PBX1: variants seen among roughly 807,000 people sequenced by gnomAD.
PBX1 encodes PBX homeobox 1.
Under a neutral mutation model 53.4 loss-of-function variants are expected in PBX1, and 6 were observed. That is an observed-to-expected ratio of 0.11 (90% CI 0.06 to 0.22). The LOEUF (loss-of-function observed/expected upper bound fraction) is 0.22. PBX1 is among the 10% of genes least tolerant of loss of function. The pLI is 1.00. For missense variants in PBX1, 251 were observed against 551.4 expected, an observed-to-expected ratio of 0.46 and a Z score of 5.46; for synonymous variants, 204 against 212.3, an observed-to-expected ratio of 0.96 and a Z score of 0.34.
intron 2 of PBX1, among the ~76,000 whole-genome samples, chr1:164,713,185 T>C (rs1663899337): frequency 6.6e-6 from 1 of 152,184 alleles, no homozygotes; most frequent in African/African-American, 2.4e-5. Flanking sequence ...TTCTGCCTCT[T>C]GGTAAAACCT....
chr1:164,847,992 C>G lies in PBX1; in HGVS notation c.*1316C>G, dbSNP rs6683162. The G allele has an allele frequency of 2.0e-3, 2,087 of 1,050,236 alleles. 2 individuals are homozygous for G. Among genetic ancestry groups the G allele is most frequent in the Non-Finnish European group, 2.3e-3 (1,986 of 869,906 alleles). 65.1% of individuals were successfully genotyped at this position (1,050,236 alleles called of 1,614,324 possible). On this transcript the variant is annotated 3_prime_UTR_variant, in exon 9 of 9. Coordinates refer to ENST00000420696, the MANE Select transcript of PBX1 (RefSeq NM_002585.4). ...TTAATTTTTTGTTTTATATTAGGCA[C>G]ACTGTATTAATTTTCCAAAATGTTA...
chr1:164,655,145 CT>C (rs1445328391), intron 2 of PBX1, among the ~76,000 whole-genome samples: 97 of 142,360 alleles, frequency 6.8e-4, no homozygotes, highest in African/African-American at 2.5e-3. Context: ...CGGAATTTCA[CT>C]TTTGTTGCCC....
At chr1:164,567,513 G>A (rs1234687380) in intron 2 of PBX1, among the ~76,000 whole-genome samples, 1 of 151,864 alleles carries the variant, frequency 6.6e-6, no homozygotes, top group African/African-American at 2.4e-5. Flanking sequence ...TTACAAATCA[G>A]TTTTACCTGA....
rs1467119097 is a variant in PBX1, at chr1:164,563,429, G to C, written c.265+118G>C. 3 of 558,634 alleles carry C rather than the reference G, an allele frequency of 5.4e-6. No homozygotes were observed. The Admixed American group carries it at 9.9e-5, about 18-fold the overall frequency. 34.6% of individuals were successfully genotyped at this position (558,634 alleles called of 1,614,324 possible). A position where few individuals can be genotyped will look rare whatever the true frequency, so the allele number is the denominator to read the frequency against. ...TCAGAATACAAGTACTATGAAGGTT[G>C]ACCTCATATTCGAATAGGAAGTCCT... On this transcript the variant is annotated intron_variant, in intron 2 of 8. Coordinates refer to ENST00000420696, the MANE Select transcript of PBX1 (RefSeq NM_002585.4).
intron 2 of PBX1, among the ~76,000 whole-genome samples, chr1:164,733,781 TTA>T (rs1312843717): frequency 6.6e-6 from 1 of 152,234 alleles, no homozygotes; most frequent in Non-Finnish European, 1.5e-5. Context: ...TTTAACAGTC[TTA>T]TATTTGAATT....
chr1:164,851,936 A>G (rs1349830530), downstream of PBX1: 1 of 154,984 alleles, frequency 6.5e-6, no homozygotes, highest in Admixed American at 6.5e-5. Context: ...TGCCCTAATC[A>G]CTGAAAAGTC....
At chr1:164,634,731 C>G (rs775671054) in intron 2 of PBX1, among the ~76,000 whole-genome samples, 1 of 152,140 alleles carries the variant, frequency 6.6e-6, no homozygotes, top group Non-Finnish European at 1.5e-5. Flanking sequence ...AGGACTCCCT[C>G]GGACATGGTT....
chr1:164,731,293 ATCT>A (rs1664966718), intron 2 of PBX1, among the ~76,000 whole-genome samples: 1 of 145,054 alleles, frequency 6.9e-6, no homozygotes, highest in Non-Finnish European at 1.5e-5. Context: ...GGCTCATATC[ATCT>A]TCTCCTTTCA....
At chr1:164,698,982 C>G (rs1304590222) in intron 2 of PBX1, among the ~76,000 whole-genome samples, 1 of 152,178 alleles carries the variant, frequency 6.6e-6, no homozygotes, top group Non-Finnish European at 1.5e-5. Context: ...ATGCTATCAG[C>G]TATAGCACTA....
intron 2 of PBX1, among the ~76,000 whole-genome samples, chr1:164,869,265 GACC>G (rs1456224743): frequency 6.6e-6 from 1 of 152,128 alleles, no homozygotes; most frequent in Non-Finnish European, 1.5e-5. Flanking sequence ...AAAACCTGAA[GACC>G]ACAATTCTAA....
At chr1:164,574,065 C>A (rs980613044) in intron 2 of PBX1, among the ~76,000 whole-genome samples, 1 of 152,208 alleles carries the variant, frequency 6.6e-6, no homozygotes, top group Non-Finnish European at 1.5e-5. Flanking sequence ...TGGAAGAGAA[C>A]GTCCACCTTA....
chr1:164,744,833 C>G (rs1019870455), intron 2 of PBX1, among the ~76,000 whole-genome samples: 4 of 152,018 alleles, frequency 2.6e-5, no homozygotes, highest in African/African-American at 7.3e-5. Context: ...ATGTCCCAAA[C>G]CTTAGTTGAG....
chr1:164,846,520 A>G, intron 8 of PBX1, 64 bp from the exon 9 acceptor site: 2 of 1,398,246 alleles, frequency 1.4e-6, no homozygotes, highest in East Asian at 2.3e-5. Context: ...CCTCATTGTC[A>G]TTGTCTGCTG....
intron 2 of PBX1, chr1:164,774,540 C>T (rs888964027): frequency 7.9e-5 from 12 of 152,172 alleles, no homozygotes; most frequent in African/African-American, 1.2e-4. Flanking sequence ...GGTTAGAGGC[C>T]GTGGGCTGTG....
intron 2 of PBX1, among the ~76,000 whole-genome samples, chr1:164,758,469 G>A (rs1666639516): frequency 6.6e-6 from 1 of 152,124 alleles, no homozygotes; most frequent in East Asian, 1.9e-4. Context: ...GCAGAGTGGA[G>A]GACATAGAGA....
intron 2 of PBX1, among the ~76,000 whole-genome samples, chr1:164,663,794 G>A (rs567705112): frequency 1.2e-4 from 19 of 152,300 alleles, no homozygotes; most frequent in African/African-American, 3.4e-4. Flanking sequence ...TGCCAGGTAC[G>A]TTAGGGGTGA....
chr1:164,707,696 C>T (rs1663521015), intron 2 of PBX1, among the ~76,000 whole-genome samples: 1 of 152,070 alleles, frequency 6.6e-6, no homozygotes, highest in South Asian at 2.1e-4. Context: ...AAGATAAAAA[C>T]CCAGGAGACT....
chr1:164,854,001 G>A (rs1349792847), downstream of PBX1, among the ~76,000 whole-genome samples: 5 of 151,094 alleles, frequency 3.3e-5, no homozygotes, highest in Non-Finnish European at 7.4e-5. Context: ...CACCTCCTGG[G>A]TTCAAGCAAT....
intron 2 of PBX1, among the ~76,000 whole-genome samples, chr1:164,650,657 G>A (rs1659749902): frequency 1.3e-5 from 2 of 152,140 alleles, no homozygotes; most frequent in South Asian, 2.1e-4. Context: ...AGGACAACCT[G>A]TCTTTGTCTC....
Sources: gnomAD v4.1 joint callset for allele counts (sites outside exome capture counted in the v4.1 genomes callset) on GRCh38, gnomAD v4.1.1 for gene constraint, MANE v1.5 for transcripts, NCBI Gene and HGNC (gene_info 2026-07-23, HGNC 2026-07-21) for gene names.